Variants in QTMAN observed in about 807,000 individuals in gnomAD.
The protein encoded by QTMAN is tRNA-queuosine alpha-mannosyltransferase.
chr2:144,027,380 C>A, the QTMAN span, among the ~76,000 whole-genome samples: 1 of 152,176 alleles, frequency 6.6e-6, no homozygotes, highest in Admixed American at 6.5e-5. Context: ...GACTCAGGTT[C>A]CTTTACTGGC....
chr2:144,019,380 GGAT>G, the QTMAN span, among the ~76,000 whole-genome samples: 19 of 151,888 alleles, frequency 1.3e-4, no homozygotes, highest in South Asian at 3.5e-3. Context: ...GAAAGCAGAT[GGAT>G]GAGCGGTGGT....
At chr2:144,323,346 A>G in the QTMAN span, among the ~76,000 whole-genome samples, 2 of 152,202 alleles carry the variant, frequency 1.3e-5, no homozygotes, top group Non-Finnish European at 2.9e-5. Flanking sequence ...ATCAATTAGC[A>G]ATTGTTATCA....
chr2:144,049,323 T>C, the QTMAN span, among the ~76,000 whole-genome samples: 156 of 152,304 alleles, frequency 1.0e-3, no homozygotes, highest in African/African-American at 3.5e-3. Context: ...ATATCTATAA[T>C]TAGAACTAAG....
the QTMAN span, among the ~76,000 whole-genome samples, chr2:144,140,387 T>TA: frequency 6.6e-6 from 1 of 152,000 alleles, no homozygotes; most frequent in Non-Finnish European, 1.5e-5. Flanking sequence ...TCTACTCACT[T>TA]AGAGATATAC....
the QTMAN span, among the ~76,000 whole-genome samples, chr2:144,148,359 T>C: frequency 6.6e-6 from 1 of 151,848 alleles, no homozygotes; most frequent in Non-Finnish European, 1.5e-5. Context: ...GATTAATCTA[T>C]GTGAACAGGT....
At chr2:144,089,784 G>C in the QTMAN span, among the ~76,000 whole-genome samples, 1 of 151,860 alleles carries the variant, frequency 6.6e-6, no homozygotes, top group African/African-American at 2.4e-5. Context: ...GTGGGGGAGA[G>C]GGGAGGATGA....
chr2:144,107,056 A>C, the QTMAN span, among the ~76,000 whole-genome samples: 1 of 152,218 alleles, frequency 6.6e-6, no homozygotes, highest in Non-Finnish European at 1.5e-5. Flanking sequence ...CTTTGAAACC[A>C]ATGAGAACAA....
At chr2:143,947,637 G>A in the QTMAN span, among the ~76,000 whole-genome samples, 1 of 152,048 alleles carries the variant, frequency 6.6e-6, no homozygotes, top group South Asian at 2.1e-4. Context: ...TACTTCAGGG[G>A]TACATTGATA....
the QTMAN span, among the ~76,000 whole-genome samples, chr2:144,275,443 G>A: frequency 6.6e-6 from 1 of 150,992 alleles, no homozygotes; most frequent in Non-Finnish European, 1.5e-5. Flanking sequence ...CCTCTTCCCT[G>A]TCAGGGACAT....
the QTMAN span, among the ~76,000 whole-genome samples, chr2:144,263,802 T>C: frequency 2.0e-5 from 3 of 152,126 alleles, no homozygotes; most frequent in South Asian, 2.1e-4. Flanking sequence ...GTCTTAAGTA[T>C]TGCTTGAAAT....
the QTMAN span, among the ~76,000 whole-genome samples, chr2:144,046,864 A>G: frequency 6.6e-6 from 1 of 152,226 alleles, no homozygotes; most frequent in Non-Finnish European, 1.5e-5. Flanking sequence ...TGAAGAAAGG[A>G]TAATTTGTTC....
the QTMAN span, among the ~76,000 whole-genome samples, chr2:144,044,227 T>C: frequency 6.6e-6 from 1 of 152,188 alleles, no homozygotes; most frequent in South Asian, 2.1e-4. Flanking sequence ...TTTTAATTTT[T>C]ACCATGCTTA....
At chr2:144,180,901 T>G in the QTMAN span, among the ~76,000 whole-genome samples, 1 of 152,182 alleles carries the variant, frequency 6.6e-6, no homozygotes, top group Non-Finnish European at 1.5e-5. Flanking sequence ...ACTATAGTGA[T>G]GTACTGGAGG....
chr2:143,946,585 A>G, the QTMAN span: 1 of 154,122 alleles, frequency 6.5e-6, no homozygotes, highest in Non-Finnish European at 1.4e-5. Flanking sequence ...TAACCTGGCA[A>G]CCTAGGTAGA....
the QTMAN span, among the ~76,000 whole-genome samples, chr2:144,293,782 T>C: frequency 1.9e-4 from 29 of 152,286 alleles, no homozygotes; most frequent in African/African-American, 7.0e-4. Context: ...AGAGTACAAA[T>C]ATTTTCTATG....
the QTMAN span, among the ~76,000 whole-genome samples, chr2:144,073,556 C>T: frequency 6.6e-6 from 1 of 152,158 alleles, no homozygotes; most frequent in South Asian, 2.1e-4. Context: ...ATAGCCCTTT[C>T]TGGGTTTACA....
the QTMAN span, among the ~76,000 whole-genome samples, chr2:144,046,885 A>G: frequency 6.6e-6 from 1 of 152,228 alleles, no homozygotes; most frequent in Non-Finnish European, 1.5e-5. Flanking sequence ...AGAAAACCAC[A>G]TGTGGAGTAT....
chr2:144,027,526 G>C, the QTMAN span, among the ~76,000 whole-genome samples: 2 of 152,316 alleles, frequency 1.3e-5, no homozygotes, highest in East Asian at 3.9e-4. Context: ...AAGTAAGAGG[G>C]AAGAAGTTCT....
chr2:144,025,446 AGTAGT>A, the QTMAN span, among the ~76,000 whole-genome samples: 1 of 152,212 alleles, frequency 6.6e-6, no homozygotes, highest in Non-Finnish European at 1.5e-5. Flanking sequence ...AAGCAATGGA[AGTAGT>A]GTCTATTTTT....
Sources: allele counts gnomAD v4.1 joint callset (sites outside exome capture counted in the v4.1 genomes callset), GRCh38; gene constraint gnomAD v4.1.1; transcripts MANE v1.5; gene names NCBI Gene and HGNC (gene_info 2026-07-23, HGNC 2026-07-21).